Variants in SOHLH2 observed in about 807,000 individuals in gnomAD.
SOHLH2 encodes the protein spermatogenesis and oogenesis specific basic helix-loop-helix 2, also known as spermatogenesis- and oogenesis-specific basic helix-loop-helix-containing protein 2.
SOHLH2 carries 22 observed loss-of-function variants against 50.4 expected under a neutral mutation model. The ratio of observed to expected loss-of-function variants is 0.44; its 90% CI spans 0.31 to 0.62. The LOEUF (loss-of-function observed/expected upper bound fraction) is 0.62. Among genes scored for constraint, SOHLH2 ranks in the 20% least tolerant of loss-of-function variants. The pLI, the probability that SOHLH2 is intolerant of heterozygous loss-of-function variation, is 0.08. For missense variants in SOHLH2, 412 were observed against 504.4 expected, an observed-to-expected ratio of 0.82 and a Z score of 1.76; for synonymous variants, 185 against 187.3, an observed-to-expected ratio of 0.99 and a Z score of 0.10.
intron 9 of SOHLH2, 103 bp from the exon 10 acceptor site, chr13:36,170,890 T>C (rs1368091957): frequency 1.3e-6 from 2 of 1,499,478 alleles, no homozygotes; most frequent in Non-Finnish European, 1.8e-6. Flanking sequence ...TTCCTCACAT[T>C]ACAAATCTGT....
chr13:36,210,740 G>GC (rs1869069446), intron 1 of SOHLH2, among the ~76,000 whole-genome samples: 1 of 152,124 alleles, frequency 6.6e-6, no homozygotes, highest in Non-Finnish European at 1.5e-5. Context: ...GTGTTTCATA[G>GC]CCTGCTACCA....
At chr13:36,179,644 C>T (rs1252319634) in intron 6 of SOHLH2, among the ~76,000 whole-genome samples, 3 of 151,968 alleles carry the variant, frequency 2.0e-5, no homozygotes, top group African/African-American at 7.3e-5. Context: ...AACTCCTGGC[C>T]TCAAGTGATC....
intron 6 of SOHLH2, 89 bp from the exon 7 acceptor site, chr13:36,174,958 T>C (rs1887062202): frequency 6.7e-7 from 1 of 1,492,374 alleles, no homozygotes. Context: ...CCTGGGTATG[T>C]TTGTAAAGGA....
rs1361617109 is a variant in SOHLH2, at chr13:36,182,406, A to C, written c.642-7537T>G. 7.2e-6 allele frequency: 3 copies of C among 416,286 alleles called. No homozygotes were observed. The East Asian group carries it at 4.8e-4, about 66-fold the overall frequency. 25.8% of individuals were successfully genotyped at this position (416,286 alleles called of 1,614,324 possible). ...TCTTCACTGGCCTGTGCCTGCTTTA[A>C]TCAAAAGATATCTGGAGAGTGACTC... On this transcript the variant is annotated intron_variant, in intron 6 of 10. Coordinates refer to ENST00000379881, the MANE Select transcript of SOHLH2 (RefSeq NM_017826.3).
chr13:36,189,916 A>G (rs1887527088), intron 6 of SOHLH2, 30 bp downstream of exon 6: 1 of 1,541,684 alleles, frequency 6.5e-7, no homozygotes, highest in East Asian at 2.3e-5. Flanking sequence ...CAAAAGAATA[A>G]TGCTTAAAAA....
chr13:36,175,696 C>T lies in SOHLH2; in HGVS notation c.642-827G>A, dbSNP rs575144174. 4.6e-5 allele frequency among the ~76,000 whole-genome samples: 7 copies of T among 152,240 alleles called. No homozygotes were observed. The South Asian group carries it at 1.4e-3, about 32-fold the overall frequency. On this transcript the variant is annotated intron_variant, in intron 6 of 10. Transcript: ENST00000379881. ...CAAGTTACTAAACCTCTGTAAACAC[C>T]AGAATGGCAGAGAAATTATATTTAA...
intron 6 of SOHLH2, among the ~76,000 whole-genome samples, chr13:36,180,220 A>G (rs530118844): frequency 6.6e-6 from 1 of 152,324 alleles, no homozygotes; most frequent in Admixed American, 6.5e-5. Flanking sequence ...TATTTAGAGT[A>G]GCTATCATGA....
rs544525128 is a variant in SOHLH2, at chr13:36,203,843, C to T, written c.49-1750G>A. Among the ~76,000 whole-genome samples, 3 of 151,974 alleles carry T rather than the reference C, an allele frequency of 2.0e-5. No individual in the cohort carries two copies. The East Asian group carries it at 5.8e-4, about 29-fold the overall frequency. On this transcript the variant is annotated intron_variant, in intron 1 of 10. Transcript: ENST00000379881. ...CCATTTACTCCCTTTGCTCACCTTC[C>T]TATTTGTGGTTTGTATTTTTCTTAT...
At chr13:36,192,172 A>G (rs902219103) in intron 4 of SOHLH2, among the ~76,000 whole-genome samples, 1 of 152,244 alleles carries the variant, frequency 6.6e-6, no homozygotes, top group African/African-American at 2.4e-5. Flanking sequence ...AACACATTCG[A>G]CTGAGTTATT....
At chr13:36,195,059 A>G (rs953905426) in intron 2 of SOHLH2, among the ~76,000 whole-genome samples, 2 of 152,156 alleles carry the variant, frequency 1.3e-5, no homozygotes, top group African/African-American at 4.8e-5. Flanking sequence ...ACAGACAGAC[A>G]AGGTTCCTGC....
At chr13:36,213,128 T>C (rs1869219147) in intron 1 of SOHLH2, among the ~76,000 whole-genome samples, 1 of 152,128 alleles carries the variant, frequency 6.6e-6, no homozygotes, top group African/African-American at 2.4e-5. Context: ...CAGCTCTATC[T>C]GGAGAAACTG....
intron 1 of SOHLH2, among the ~76,000 whole-genome samples, chr13:36,213,242 G>C (rs570756493): frequency 1.3e-4 from 20 of 152,138 alleles, no homozygotes; most frequent in Non-Finnish European, 2.5e-4. Context: ...TAGATAATCA[G>C]ATATTTCATT....
At chr13:36,169,727 T>G (rs994954819) in intron 10 of SOHLH2, among the ~76,000 whole-genome samples, 2 of 152,208 alleles carry the variant, frequency 1.3e-5, no homozygotes, top group Non-Finnish European at 2.9e-5. Flanking sequence ...GTATGACTGT[T>G]TCATATGCTG....
chr13:36,201,048 CAAAAAAAAAAA>C (rs10660002), intron 2 of SOHLH2, among the ~76,000 whole-genome samples: 4 of 55,962 alleles, frequency 7.1e-5, no homozygotes, highest in Non-Finnish European at 1.3e-4. Flanking sequence ...GACTCTGCCT[CAAAAAAAAAAA>C]AAAAAAAAAA....
intron 6 of SOHLH2, among the ~76,000 whole-genome samples, chr13:36,176,353 C>T (rs1048868335): frequency 2.0e-5 from 3 of 152,030 alleles, no homozygotes; most frequent in Admixed American, 2.0e-4. Flanking sequence ...TAAAATTTTC[C>T]AACATTAGAA....
intron 8 of SOHLH2, 44 bp downstream of exon 8, chr13:36,174,432 A>C: frequency 6.2e-7 from 1 of 1,607,780 alleles, no homozygotes; most frequent in Non-Finnish European, 8.5e-7. Context: ...ACATGGGAGG[A>C]AAATAACTAG....
chr13:36,182,076 A>T, intron 6 of SOHLH2: 1 of 984,866 alleles, frequency 1.0e-6, no homozygotes, highest in Non-Finnish European at 1.2e-6. Context: ...GGCCTAGAGC[A>T]GCTGTATACT....
At chr13:36,179,036 A>G (rs2138275771) in intron 6 of SOHLH2, among the ~76,000 whole-genome samples, 1 of 152,238 alleles carries the variant, frequency 6.6e-6, no homozygotes, top group Middle Eastern at 3.4e-3. Flanking sequence ...TTTATACCCA[A>G]TCATGCCATC....
chr13:36,170,121 G>C (rs571923823), intron 10 of SOHLH2, among the ~76,000 whole-genome samples: 1 of 152,160 alleles, frequency 6.6e-6, no homozygotes, highest in Non-Finnish European at 1.5e-5. Context: ...AAAGCTTTTT[G>C]ATTAGTGTAA....
Sources: allele counts gnomAD v4.1 joint callset (sites outside exome capture counted in the v4.1 genomes callset), GRCh38; gene constraint gnomAD v4.1.1; transcripts MANE v1.5; gene names NCBI Gene and HGNC (gene_info 2026-07-23, HGNC 2026-07-21).